Variants in ZNRF3 observed in about 807,000 individuals in gnomAD.
ZNRF3 encodes the protein E3 ubiquitin-protein ligase ZNRF3.
Under a neutral mutation model 72.5 loss-of-function variants are expected in ZNRF3, and 23 were observed. The observed-to-expected ratio is 0.32, with a 90% confidence interval of 0.23 to 0.45. The LOEUF is 0.45. Among genes scored for constraint, ZNRF3 ranks in the 20% least tolerant of loss-of-function variants. ZNRF3 has a pLI of 1.00. For synonymous variants in ZNRF3, 610 were observed against 545.3 expected (o/e 1.12, Z -1.65); for missense variants, 1,169 against 1,272.1 (o/e 0.92, Z 1.23).
At chr22:29,002,550 A>G (rs1445242399) in intron 2 of ZNRF3, among the ~76,000 whole-genome samples, 1 of 152,190 alleles carries the variant, frequency 6.6e-6, no homozygotes, top group African/African-American at 2.4e-5. Context: ...TCCATTTTAG[A>G]ATGTTAAAGA....
chr22:28,946,106 G>A (rs192791558), intron 1 of ZNRF3, among the ~76,000 whole-genome samples: 56 of 152,278 alleles, frequency 3.7e-4, no homozygotes, highest in African/African-American at 1.2e-3. Flanking sequence ...CAACTGGTCC[G>A]TATAATGCAA....
chr22:29,049,095 C>A lies in ZNRF3; in HGVS notation c.1016-102C>A. ...TGAGAATGGGTACCTTGGCAGGTGA[C>A]CAAGCCTGCTGCTTCAGCCTTTGCC... On this transcript the variant is annotated intron_variant, in intron 7 of 8. Transcript: ENST00000544604. The surrounding 1 kb of genome is among the most constrained non-coding windows in gnomAD (Gnocchi z 5.2). 1 of 1,348,472 alleles carries A rather than the reference C, an allele frequency of 7.4e-7. No homozygotes were observed. Among genetic ancestry groups the A allele is most frequent in the Non-Finnish European group, 1.0e-6 (1 of 986,166 alleles). The allele number at this position is 1,348,472 out of a possible 1,614,324, so 83.5% of individuals were successfully genotyped here.
rs1264044146 is a variant in ZNRF3 at position 29,055,452 on chromosome 22, C to A, written c.*1830C>A. On this transcript the variant is annotated 3_prime_UTR_variant, in exon 9 of 9. Transcript: ENST00000544604. ...ATCAGAATGTTTTTCTTAACCTCAGCGTATGATGAGGAAATTTACTTATCT... is the reference window on the plus strand; with the variant it reads ...ATCAGAATGTTTTTCTTAACCTCAGAGTATGATGAGGAAATTTACTTATCT... 2 of 152,204 alleles carry A rather than the reference C, an allele frequency of 1.3e-5. No individual in the cohort carries two copies. The highest frequency in any genetic ancestry group is 4.8e-5 in the African/African-American group (2 of 41,432). The allele number at this position is 152,204 out of a possible 1,614,324, so 9.4% of individuals were successfully genotyped here.
Position 29,001,132 on chromosome 22 carries a change from G to A in ZNRF3, c.426+13931G>A, listed in dbSNP as rs532231605. Among the ~76,000 whole-genome samples, 10 of 135,348 alleles carry A rather than the reference G, an allele frequency of 7.4e-5. No individual in the cohort carries two copies. The East Asian group carries it at 1.4e-3, about 19-fold the overall frequency. 88.8% of individuals were successfully genotyped at this position (135,348 alleles called of 152,430 possible). ...TGCCCAGGCTGGAGTGCAGTGGCGCGATTTCAGCTCACTGCAAGCTCCGCC... is the reference window on the plus strand; with the variant it reads ...TGCCCAGGCTGGAGTGCAGTGGCGCAATTTCAGCTCACTGCAAGCTCCGCC... On this transcript the variant is annotated intron_variant, in intron 2 of 8. Coordinates refer to ENST00000544604, the MANE Select transcript of ZNRF3 (RefSeq NM_001206998.2).
intron 1 of ZNRF3, chr22:28,917,545 A>G (rs892665191): frequency 2.7e-6 from 2 of 729,672 alleles, no homozygotes; most frequent in African/African-American, 3.8e-5. Flanking sequence ...GAAGAATTTG[A>G]AGAGTATATA....
chr22:29,046,521 T>C (rs1372925837), intron 5 of ZNRF3, among the ~76,000 whole-genome samples, 195 bp from the exon 6 acceptor site: 1 of 152,100 alleles, frequency 6.6e-6, no homozygotes, highest in Non-Finnish European at 1.5e-5. Flanking sequence ...AAAGCCTAGG[T>C]TGATGTCGTG....
chr22:28,974,791 G>A (rs2035640855), intron 1 of ZNRF3, among the ~76,000 whole-genome samples: 1 of 152,078 alleles, frequency 6.6e-6, no homozygotes, highest in South Asian at 2.1e-4. Flanking sequence ...GACCACAGGT[G>A]CATGCCACCT....
intron 1 of ZNRF3, among the ~76,000 whole-genome samples, chr22:28,972,475 GGT>G (rs1168883101): frequency 6.6e-6 from 1 of 152,152 alleles, no homozygotes; most frequent in African/African-American, 2.4e-5. Flanking sequence ...AATATTCCGT[GGT>G]GTGGGTTAAC....
At chr22:29,019,413 T>G (rs535050860) in intron 2 of ZNRF3, among the ~76,000 whole-genome samples, 1 of 152,332 alleles carries the variant, frequency 6.6e-6, no homozygotes, top group South Asian at 2.1e-4. Flanking sequence ...GATTGAAGAT[T>G]ACAACAGAAC....
intron 2 of ZNRF3, among the ~76,000 whole-genome samples, chr22:29,002,805 A>C (rs1440991172): frequency 1.3e-5 from 2 of 152,158 alleles, no homozygotes; most frequent in African/African-American, 2.4e-5. Context: ...ACTCCAGGCC[A>C]CTCAGCCTTG....
intron 1 of ZNRF3, among the ~76,000 whole-genome samples, chr22:28,953,513 C>T (rs954933696): frequency 6.6e-6 from 1 of 152,188 alleles, no homozygotes; most frequent in African/African-American, 2.4e-5. Flanking sequence ...CTTTCTCCTC[C>T]AAGTGTTCTT....
intron 1 of ZNRF3, among the ~76,000 whole-genome samples, chr22:28,923,783 G>T (rs374557593): frequency 1.8e-4 from 27 of 152,256 alleles, no homozygotes; most frequent in African/African-American, 6.0e-4. Context: ...TGTTAAGCTA[G>T]TGATGTCCCC....
At chr22:28,921,995 G>C (rs747493917) in intron 1 of ZNRF3, among the ~76,000 whole-genome samples, 2 of 152,116 alleles carry the variant, frequency 1.3e-5, no homozygotes, top group Non-Finnish European at 2.9e-5. Context: ...TGAGATGTCT[G>C]GGGGGTGAGA....
chr22:29,004,328 T>C (rs1257865769), intron 2 of ZNRF3, among the ~76,000 whole-genome samples: 1 of 152,194 alleles, frequency 6.6e-6, no homozygotes, highest in Non-Finnish European at 1.5e-5. Context: ...AAAGCCCAGG[T>C]AGATTTTTCT....
chr22:28,886,728 G>A (rs2033794641), intron 1 of ZNRF3, among the ~76,000 whole-genome samples: 1 of 152,100 alleles, frequency 6.6e-6, no homozygotes, highest in Non-Finnish European at 1.5e-5. Flanking sequence ...GGAGGCTGAG[G>A]CAGGAGGATT....
intron 1 of ZNRF3, among the ~76,000 whole-genome samples, chr22:28,963,185 A>G (rs1419559440): frequency 6.6e-6 from 1 of 152,222 alleles, no homozygotes; most frequent in African/African-American, 2.4e-5. Flanking sequence ...AAGACCATGT[A>G]ATGAAGCAGG....
intron 1 of ZNRF3, among the ~76,000 whole-genome samples, chr22:28,973,217 T>A (rs1023738142): frequency 6.6e-6 from 1 of 152,172 alleles, no homozygotes; most frequent in Admixed American, 6.5e-5. Context: ...TGAGCTCAAA[T>A]AATCCTCCTA....
chr22:28,965,791 CA>C (rs1243571110), intron 1 of ZNRF3, among the ~76,000 whole-genome samples: 1 of 152,124 alleles, frequency 6.6e-6, no homozygotes, highest in Non-Finnish European at 1.5e-5. Context: ...TCTCATAAGT[CA>C]AAGGCCCCAA....
chr22:28,920,952 G>A (rs1275618617), intron 1 of ZNRF3, among the ~76,000 whole-genome samples: 1 of 152,240 alleles, frequency 6.6e-6, no homozygotes, highest in Non-Finnish European at 1.5e-5. Flanking sequence ...AGTCACACAC[G>A]GGGCTAGACC....
Sources: allele counts gnomAD v4.1 joint callset (sites outside exome capture counted in the v4.1 genomes callset), GRCh38; gene constraint gnomAD v4.1.1; non-coding constraint Gnocchi (gnomAD v3.1); transcripts MANE v1.5; gene names NCBI Gene and HGNC (gene_info 2026-07-23, HGNC 2026-07-21).